SPTB: variants seen among roughly 807,000 people sequenced by gnomAD.
The protein encoded by SPTB is spectrin beta chain, erythrocytic.
Under a neutral mutation model 256.2 loss-of-function variants are expected in SPTB, and 45 were observed. The ratio of observed to expected loss-of-function variants is 0.18; its 90% CI spans 0.14 to 0.23. The LOEUF is 0.23. SPTB is among the 10% of genes least tolerant of loss of function. SPTB has a pLI of 1.00. For synonymous variants in SPTB, 1,231 were observed against 1,243.1 expected, an observed-to-expected ratio of 0.99 and a Z score of 0.21; for missense variants, 2,715 against 3,040.4, an observed-to-expected ratio of 0.89 and a Z score of 2.52.
At chr14:64,810,491 C>A (rs1460881007) in intron 2 of SPTB, among the ~76,000 whole-genome samples, 1 of 152,074 alleles carries the variant, frequency 6.6e-6, no homozygotes, top group African/African-American at 2.4e-5. Context: ...ATCAGCCTGG[C>A]CAATATGATG....
rs1055358017 is a variant in SPTB at position 64,764,168 on chromosome 14, G to A, written c.6345+2558C>T. ...CGCAGCCATTGGCCATCCCTTCCTG[G>A]GAGAGGCCTGCGGTTCTGTGAAGGG... On this transcript the variant is annotated intron_variant, in intron 32 of 35. Coordinates refer to ENST00000644917, the MANE Select transcript of SPTB (RefSeq NM_001355436.2). The surrounding 1 kb of genome is among the most constrained non-coding windows in gnomAD (Gnocchi z 4.2). Among the ~76,000 whole-genome samples, 4 of 152,184 alleles carry A rather than the reference G, an allele frequency of 2.6e-5. No homozygotes were observed. Among genetic ancestry groups the A allele is most frequent in the Non-Finnish European group, 2.9e-5 (2 of 68,034 alleles).
intron 32 of SPTB, among the ~76,000 whole-genome samples, chr14:64,765,041 T>TGCGC (rs1555366153): frequency 2.1e-4 from 24 of 117,002 alleles, no homozygotes; most frequent in East Asian, 1.3e-3. Flanking sequence ...TGTGTGTGTG[T>TGCGC]GCGCGCGCGC....
At chr14:64,821,056 C>G (rs577879001) in intron 2 of SPTB, among the ~76,000 whole-genome samples, 26 of 152,292 alleles carry the variant, frequency 1.7e-4, no homozygotes, top group African/African-American at 6.3e-4. Context: ...CACAGGCCAA[C>G]TGGAGAAACC....
chr14:64,758,496 G>A lies in SPTB; in HGVS notation c.6346-4703C>T, dbSNP rs2082048330. On this transcript the variant is annotated intron_variant, in intron 32 of 35. Transcript: ENST00000644917. The surrounding 1 kb of genome is among the most constrained non-coding windows in gnomAD (Gnocchi z 4.6). ...GCACTGAGGTGGAGGGGCCCCAGAA[G>A]CCAAAGGCAGAGGCCCCAGGTCCGG... Among the ~76,000 whole-genome samples the A allele has an allele frequency of 6.6e-6, 1 of 152,256 alleles. No homozygotes were observed. Among genetic ancestry groups the A allele is most frequent in the Admixed American group, 6.5e-5 (1 of 15,290 alleles).
chr14:64,797,889 A>C, intron 9 of SPTB, 43 bp from the exon 10 acceptor site: 25 of 1,511,858 alleles, frequency 1.7e-5, no homozygotes, highest in Non-Finnish European at 2.1e-5. Flanking sequence ...TTAAGATCTC[A>C]TGGCCAAATT....
rs574007635 is a variant in SPTB, at chr14:64,815,539, C to T, written c.148+7408G>A. Among the ~76,000 whole-genome samples, 4 of 152,328 alleles carry T rather than the reference C, an allele frequency of 2.6e-5. No individual in the cohort carries two copies. In the South Asian group the frequency reaches 8.3e-4, roughly 32 times the overall value. On this transcript the variant is annotated intron_variant, in intron 2 of 35. Coordinates refer to ENST00000644917, the MANE Select transcript of SPTB (RefSeq NM_001355436.2). ...CAAAAGCACCTAGAACACGAAGCAG[C>T]TGCACCAATATCAGGCATTGTTGTC...
Position 64,807,003 on chromosome 14 carries a change from G to A in SPTB, c.149-1913C>T, listed in dbSNP as rs1008578914. 6.6e-6 allele frequency among the ~76,000 whole-genome samples: 1 copy of A among 152,186 alleles called. No homozygotes were observed. Among genetic ancestry groups the A allele is most frequent in the Non-Finnish European group, 1.5e-5 (1 of 68,040 alleles). ...TTAAACCACTTTCCTGATTTCAAAT[G>A]CTGCTTCAGCGAAATGTAACTAAAG... is the stretch of plus-strand genomic sequence containing the variant. On this transcript the variant is annotated intron_variant, in intron 2 of 35. Transcript: ENST00000644917. This position sits in a 1 kb window ranked among gnomAD's most constrained non-coding sequence, Gnocchi z 4.7.
chr14:64,782,174 C>A, intron 20 of SPTB, 116 bp downstream of exon 20: 1 of 1,448,916 alleles, frequency 6.9e-7, no homozygotes, highest in Non-Finnish European at 9.6e-7. Context: ...ATGTGTTTAT[C>A]TATGTGACAA....
rs371035446 is a variant in SPTB at position 64,823,117 on chromosome 14, C to T, written c.-23G>A. The T allele has an allele frequency of 2.1e-4, 345 of 1,613,982 alleles. No individual in the cohort carries two copies. The African/African-American group carries it at 3.5e-3, about 17-fold the overall frequency. Reference sequence around the variant, plus strand: ...CATGTCAGCAGGCTCTTAGCAGCTCCGCCTGCCTCAGTCTTCATGGAAGGA... The same window carrying T: ...CATGTCAGCAGGCTCTTAGCAGCTCTGCCTGCCTCAGTCTTCATGGAAGGA... On this transcript the variant is annotated 5_prime_UTR_variant, in exon 2 of 36. Transcript: ENST00000644917. The surrounding 1 kb of genome is among the most constrained non-coding windows in gnomAD (Gnocchi z 6.5).
Position 64,786,847 on chromosome 14 carries a change from C to G in SPTB, c.3118G>C (p.Glu1040Gln). 6.2e-7 allele frequency: 1 copy of G among 1,613,622 alleles called. No individual in the cohort carries two copies. Among genetic ancestry groups the G allele is most frequent in the Non-Finnish European group, 8.5e-7 (1 of 1,180,026 alleles). ...TGCTGCAGGCCCTGCCACAGCTCCTCCAAGTGTTTTTGCCGCTGACCAATA... is the reference window on the plus strand; with the variant it reads ...TGCTGCAGGCCCTGCCACAGCTCCTGCAAGTGTTTTTGCCGCTGACCAATA... ...EDIGQRQKHL[E>Q]ELWQGLQQSL... The change falls in exon 16 of 36, where the codon GAG (glutamate) becomes CAG (glutamine). Residue 1040 changes from glutamate (E) to glutamine (Q), a missense_variant. By Grantham distance (29) the Glu-to-Gln change is conservative. This residue lies in a region of SPTB where 2,239 missense variants were observed against 2,384.4 expected (regional missense o/e 0.94). Transcript: ENST00000644917. The surrounding 1 kb of genome is among the most constrained non-coding windows in gnomAD (Gnocchi z 5.6).
At chr14:64,781,610 G>A (rs1041936734) in intron 20 of SPTB, among the ~76,000 whole-genome samples, 18 of 152,208 alleles carry the variant, frequency 1.2e-4, no homozygotes, top group African/African-American at 3.4e-4. Flanking sequence ...CTTATACACC[G>A]TTGGTGGGAG....
chr14:64,874,399 T>C (rs1331396267), intron 1 of SPTB, among the ~76,000 whole-genome samples: 1 of 152,234 alleles, frequency 6.6e-6, no homozygotes, highest in African/African-American at 2.4e-5. Flanking sequence ...TCTTTGTGTG[T>C]CTTCAGCACA....
Position 64,793,679 on chromosome 14 carries a change from A to G in SPTB, c.1984T>C (p.Ser662Pro), listed in dbSNP as rs2082717183. Residue 662 changes from serine (S) to proline (P), a missense_variant, in exon 14 of 36, where the codon TCC becomes CCC. Coordinates refer to ENST00000644917, the MANE Select transcript of SPTB (RefSeq NM_001355436.2). This position sits in a 1 kb window ranked among gnomAD's most constrained non-coding sequence, Gnocchi z 7.0. Reference protein sequence around the residue: ...WIKEKEQIYSSLDYGKDLTSV... With the variant: ...WIKEKEQIYSPLDYGKDLTSV... Reference sequence around the variant, plus strand: ...GTCAGGTCTTTGCCATAGTCCAGGGAAGAATAGATCTGCTCCTTCTCCTTG... The same window carrying G: ...GTCAGGTCTTTGCCATAGTCCAGGGGAGAATAGATCTGCTCCTTCTCCTTG... 4.3e-6 allele frequency: 7 copies of G among 1,614,130 alleles called. No homozygotes were observed. The highest frequency in any genetic ancestry group is 5.9e-6 in the Non-Finnish European group (7 of 1,180,040).
intron 1 of SPTB, among the ~76,000 whole-genome samples, chr14:64,876,105 T>C (rs1882811338): frequency 6.6e-6 from 1 of 152,150 alleles, no homozygotes; most frequent in South Asian, 2.1e-4. Flanking sequence ...ACTGGGATTA[T>C]AGGCATAAGC....
intron 2 of SPTB, among the ~76,000 whole-genome samples, chr14:64,817,752 C>G (rs1417279313): frequency 6.6e-6 from 1 of 152,242 alleles, no homozygotes; most frequent in South Asian, 2.1e-4. Flanking sequence ...CCTGAGGACA[C>G]TCTCAGGGCC....
At chr14:64,879,350 C>T (rs1446741583) in intron 1 of SPTB, among the ~76,000 whole-genome samples, 1 of 152,186 alleles carries the variant, frequency 6.6e-6, no homozygotes, top group Non-Finnish European at 1.5e-5. Context: ...GGGATATGAG[C>T]GGCCACAAGG....
intron 1 of SPTB, among the ~76,000 whole-genome samples, chr14:64,878,089 A>G (rs1344159625): frequency 6.6e-6 from 1 of 152,246 alleles, no homozygotes; most frequent in Non-Finnish European, 1.5e-5. Context: ...CAAGATCAAT[A>G]GGACTGGCTC....
Position 64,799,680 on chromosome 14 carries a change from G to T in SPTB, c.1064+67C>A, listed in dbSNP as rs2082842227. On this transcript the variant is annotated intron_variant, in intron 9 of 35. Coordinates refer to ENST00000644917, the MANE Select transcript of SPTB (RefSeq NM_001355436.2). The stretch of plus-strand genomic sequence containing the variant: ...CACACTTCATAAGGCCCAGAACCTG[G>T]CTCTACCTTTTGGTGGTCAGTTTCC... 59 of 1,585,382 alleles carry T rather than the reference G, an allele frequency of 3.7e-5. 1 individual carries two copies. The South Asian group carries it at 6.3e-4, about 17-fold the overall frequency.
At position 64,823,472 on chromosome 14, in the gene SPTB, A is replaced by G. The variant is rs2083330053; in HGVS notation, c.-51-327T>C. On this transcript the variant is annotated intron_variant, in intron 1 of 35. Coordinates refer to ENST00000644917, the MANE Select transcript of SPTB (RefSeq NM_001355436.2). The surrounding 1 kb of genome is among the most constrained non-coding windows in gnomAD (Gnocchi z 6.5). The stretch of plus-strand genomic sequence containing the variant: ...CCCGCCGCGGGGAGCACCCCGGGAG[A>G]GAGGAAGCTCTCCTGGGAGCCAGAG... Among the ~76,000 whole-genome samples the G allele has an allele frequency of 6.6e-6, 1 of 152,094 alleles. No individual in the cohort carries two copies.
Sources: allele counts gnomAD v4.1 joint callset (sites outside exome capture counted in the v4.1 genomes callset), GRCh38; gene constraint gnomAD v4.1.1; regional missense constraint gnomAD v4.1.1; non-coding constraint Gnocchi (gnomAD v3.1); transcripts MANE v1.5; gene names NCBI Gene and HGNC (gene_info 2026-07-23, HGNC 2026-07-21).